PTPRN: variants seen among roughly 807,000 people sequenced by gnomAD.
PTPRN encodes the protein receptor-type tyrosine-protein phosphatase-like N.
Under a neutral mutation model 108.5 loss-of-function variants are expected in PTPRN, and 70 were observed. The ratio of observed to expected loss-of-function variants is 0.65; its 90% CI spans 0.53 to 0.79. PTPRN has a LOEUF of 0.79. Ranked by LOEUF, PTPRN falls within the 30% of genes least tolerant of loss-of-function variation. The pLI is 0.00. For missense variants in PTPRN, 1,136 were observed against 1,295.5 expected (o/e 0.88, Z 1.89); for synonymous variants, 496 against 524.6 (o/e 0.95, Z 0.75).
intron 19 of PTPRN, chr2:219,293,038 A>G (rs1306455870): frequency 2.6e-5 from 4 of 152,214 alleles, no homozygotes; most frequent in African/African-American, 9.6e-5. Flanking sequence ...TCTGCTCTAA[A>G]GTATGTGTAA....
Position 219,301,077 on chromosome 2 carries a change from T to A in PTPRN, c.1127-100A>T, listed in dbSNP as rs953764957. ...GCCAGAGACCCTGAGCCTGGAACAT[T>A]TGCTGTGGTCTTCATCTCAGTCAGT... On this transcript the variant is annotated intron_variant, in intron 7 of 22. Coordinates refer to ENST00000295718, the MANE Select transcript of PTPRN (RefSeq NM_002846.4). 1.1e-5 allele frequency: 13 copies of A among 1,189,134 alleles called. No homozygotes were observed. In the African/African-American group the frequency reaches 2.0e-4, roughly 18 times the overall value. 73.7% of individuals were successfully genotyped at this position (1,189,134 alleles called of 1,614,324 possible). A position where few individuals can be genotyped will look rare whatever the true frequency, so the allele number is the denominator to read the frequency against.
intron 19 of PTPRN, chr2:219,293,992 C>T (rs1158664793): frequency 6.6e-6 from 3 of 454,370 alleles, no homozygotes; most frequent in African/African-American, 2.0e-5. Flanking sequence ...CTCCACTGAG[C>T]CCCCCAGAAT....
chr2:219,290,885 C>T lies in PTPRN; in HGVS notation c.2735G>A (p.Gly912Asp). The change falls in exon 21 of 23, where the codon GGT becomes GAT. Residue 912 changes from glycine to aspartate, a missense_variant. Transcript: ENST00000295718. This position sits in a 1 kb window ranked among gnomAD's most constrained non-coding sequence, Gnocchi z 4.2. Reference sequence around the variant, plus strand: ...GATGTAGGTGCCGGTCCTCCCCGCACCATCACTGAAACAGGAGTTAGTGAC... The same window carrying T: ...GATGTAGGTGCCGGTCCTCCCCGCATCATCACTGAAACAGGAGTTAGTGAC... ...SCPIIVHCSD[G>D]AGRTGTYILI... The T allele has an allele frequency of 6.2e-7, 1 of 1,613,930 alleles. No homozygotes were observed. The highest frequency in any genetic ancestry group is 8.5e-7 in the Non-Finnish European group (1 of 1,179,856).
At position 219,296,795 on chromosome 2, in the gene PTPRN, A is replaced by G. The variant is rs1952208441; in HGVS notation, c.2264T>C (p.Val755Ala). ...ATCGCTCCGAGAAGGGCTGCTCTCC[A>G]CCTTCAGTTTTATGCGGGCATGGTC... is the stretch of plus-strand genomic sequence containing the variant. ...PYDHARIKLK[V>A]ESSPSRSDYI... The change falls in exon 16 of 23, where the codon GTG (valine) becomes GCG (alanine). Residue 755 changes from valine to alanine, a missense_variant. Val to Ala is a moderately conservative substitution (Grantham distance 64). Coordinates refer to ENST00000295718, the MANE Select transcript of PTPRN (RefSeq NM_002846.4). The surrounding 1 kb of genome is among the most constrained non-coding windows in gnomAD (Gnocchi z 6.0). 2 of 1,613,748 alleles carry G rather than the reference A, an allele frequency of 1.2e-6. No individual in the cohort carries two copies. Among genetic ancestry groups the G allele is most frequent in the African/African-American group, 2.7e-5 (2 of 74,880 alleles).
rs776163158 is a variant in PTPRN, at chr2:219,296,540, T to A, written c.2311-24A>T. ...ATCTGGAGGCAGGGAAGATACACCA[T>A]GAGCCAGTGTGGGAAATGCCACTAT... On this transcript the variant is annotated intron_variant, in intron 16 of 22. Transcript: ENST00000295718. The surrounding 1 kb of genome is among the most constrained non-coding windows in gnomAD (Gnocchi z 6.0). The A allele has an allele frequency of 1.9e-6, 3 of 1,613,066 alleles. No individual in the cohort carries two copies. In the South Asian group the frequency reaches 3.3e-5, roughly 18 times the overall value.
chr2:219,301,850 G>A (rs749561276), intron 6 of PTPRN, 131 bp from the exon 7 acceptor site: 5 of 1,208,286 alleles, frequency 4.1e-6, no homozygotes, highest in Non-Finnish European at 5.6e-6. Context: ...ACCAAGAGAT[G>A]CCCTCCCTTT....
intron 7 of PTPRN, 125 bp downstream of exon 7, chr2:219,301,463 A>G: frequency 1.5e-6 from 2 of 1,363,138 alleles, no homozygotes; most frequent in Non-Finnish European, 2.0e-6. Context: ...CCTATGTCTC[A>G]AAGGAACTCT....
chr2:219,306,390 G>A (rs568931893), intron 3 of PTPRN, among the ~76,000 whole-genome samples: 5 of 152,276 alleles, frequency 3.3e-5, no homozygotes, highest in South Asian at 4.1e-4. Context: ...CAGTTTATTA[G>A]AGAAGTGAAG....
Position 219,299,705 on chromosome 2 carries a change from G to A in PTPRN, c.1518C>T (p.Asn506=), listed in dbSNP as rs1204093714. ...TAGCAAGATGCCAGCCCCACCTGAT[G>A]TTGATGAAGCTGCCTGAGGACATGT... is the stretch of plus-strand genomic sequence containing the variant. ...HVHMSSGSFI[N]ISVVGPALTF... The change falls in exon 10 of 23, where the codon AAC becomes AAT. Residue 506 remains asparagine (N), a synonymous_variant. Coordinates refer to ENST00000295718, the MANE Select transcript of PTPRN (RefSeq NM_002846.4). 6.3e-7 allele frequency: 1 copy of A among 1,596,546 alleles called. No homozygotes were observed. Among genetic ancestry groups the A allele is most frequent in the East Asian group, 2.2e-5 (1 of 44,452 alleles).
intron 19 of PTPRN, among the ~76,000 whole-genome samples, chr2:219,293,902 C>T (rs576705384): frequency 1.1e-4 from 16 of 152,300 alleles, no homozygotes; most frequent in African/African-American, 3.4e-4. Context: ...AAGCAGGGGA[C>T]GCTGGAGGGC....
intron 1 of PTPRN, chr2:219,308,867 A>C: frequency 7.5e-7 from 1 of 1,332,802 alleles, no homozygotes; most frequent in East Asian, 4.8e-5. Flanking sequence ...CCCATTCCTC[A>C]GCGCCTGTCA....
chr2:219,307,663 C>G (rs1223832857), intron 2 of PTPRN, 106 bp from the exon 3 acceptor site: 1 of 1,450,894 alleles, frequency 6.9e-7, no homozygotes, highest in Non-Finnish European at 9.6e-7. Flanking sequence ...TACCTCTCCT[C>G]CTCCAGGCAA....
At chr2:219,294,332 C>T (rs1305104113) in intron 19 of PTPRN, 1 of 373,920 alleles carries the variant, frequency 2.7e-6, no homozygotes, top group South Asian at 1.9e-5. Context: ...TGGAGAAAAA[C>T]AGGGGAGAGG....
chr2:219,301,430 C>G (rs1275572032), intron 7 of PTPRN, among the ~76,000 whole-genome samples, 158 bp downstream of exon 7: 2 of 152,232 alleles, frequency 1.3e-5, no homozygotes, highest in East Asian at 3.9e-4. Flanking sequence ...TACCCCCTTG[C>G]TCCCTGCCTT....
intron 19 of PTPRN, chr2:219,292,635 A>T (rs1002511494): frequency 2.6e-5 from 4 of 152,144 alleles, no homozygotes; most frequent in African/African-American, 7.2e-5. Flanking sequence ...GAATTAACGG[A>T]GCCCTTGCTA....
At chr2:219,291,563 CAG>C in intron 19 of PTPRN, 40 bp from the exon 20 acceptor site, 2 of 1,594,820 alleles carry the variant, frequency 1.3e-6, no homozygotes, top group Non-Finnish European at 1.7e-6. Context: ...TGGGCACCAG[CAG>C]AGAGGGAAAG....
chr2:219,306,246 G>T lies in PTPRN; in HGVS notation c.280+1198C>A, dbSNP rs567905283. 8.5e-5 allele frequency among the ~76,000 whole-genome samples: 13 copies of T among 152,254 alleles called. No homozygotes were observed. In the East Asian group the frequency reaches 2.5e-3, roughly 29 times the overall value. The stretch of plus-strand genomic sequence containing the variant: ...ATCCAATATTTCACGAAATAATGCT[G>T]ACTACCTTAAAAATAAATGCAGAAT... On this transcript the variant is annotated intron_variant, in intron 3 of 22. Coordinates refer to ENST00000295718, the MANE Select transcript of PTPRN (RefSeq NM_002846.4).
rs1188016198 is a variant in PTPRN, at chr2:219,306,646, C to G, written c.280+798G>C. Among the ~76,000 whole-genome samples, 4 of 152,210 alleles carry G rather than the reference C, an allele frequency of 2.6e-5. No homozygotes were observed. The East Asian group carries it at 7.7e-4, about 29-fold the overall frequency. On this transcript the variant is annotated intron_variant, in intron 3 of 22. Coordinates refer to ENST00000295718, the MANE Select transcript of PTPRN (RefSeq NM_002846.4). The stretch of plus-strand genomic sequence containing the variant: ...CCCTAAAGTGATCCACATCCCTTCC[C>G]CCATTACCTACCTGACCTCACCTTC...
At chr2:219,299,668 C>A (rs375207216) in intron 10 of PTPRN, 32 bp downstream of exon 10, 29 of 1,548,716 alleles carry the variant, frequency 1.9e-5, no homozygotes, top group Non-Finnish European at 2.4e-5. Context: ...TTCTAGATCT[C>A]GGCCACTGCC....
Sources: allele counts gnomAD v4.1 joint callset (sites outside exome capture counted in the v4.1 genomes callset), GRCh38; gene constraint gnomAD v4.1.1; non-coding constraint Gnocchi (gnomAD v3.1); transcripts MANE v1.5; gene names NCBI Gene and HGNC (gene_info 2026-07-23, HGNC 2026-07-21).